Variants in STK39 observed in about 807,000 individuals in gnomAD.
The protein encoded by STK39 is STE20/SPS1-related proline-alanine-rich protein kinase.
In STK39, 20 loss-of-function variants were observed where a neutral mutation model predicts 77.8. That is an observed-to-expected ratio of 0.26 (90% CI 0.18 to 0.37). The LOEUF (loss-of-function observed/expected upper bound fraction) is 0.37, where lower values mean the gene tolerates loss of function less well. Ranked by LOEUF, STK39 falls within the 10% of genes least tolerant of loss-of-function variation. STK39 has a pLI of 1.00. For synonymous variants in STK39, 246 were observed against 234.1 expected (o/e 1.05, Z -0.47); for missense variants, 479 against 656.5 (o/e 0.73, Z 2.95).
chr2:168,223,276 GA>G (rs1690220762), intron 1 of STK39, among the ~76,000 whole-genome samples: 1 of 152,110 alleles, frequency 6.6e-6, no homozygotes, highest in South Asian at 2.1e-4. Context: ...TTGGGAGGCT[GA>G]GGTAGGCAGA....
intron 17 of STK39, among the ~76,000 whole-genome samples, chr2:167,958,472 A>T (rs1691846198): frequency 1.3e-5 from 2 of 152,248 alleles, no homozygotes; most frequent in African/African-American, 2.4e-5. Flanking sequence ...CATGGAAAAT[A>T]ACCATAGTTC....
chr2:168,243,979 C>T (rs1037737985), intron 1 of STK39, among the ~76,000 whole-genome samples: 2 of 152,090 alleles, frequency 1.3e-5, no homozygotes, highest in Admixed American at 1.3e-4. Flanking sequence ...ATAAACAGGT[C>T]GGAAAGCCTC....
chr2:168,134,620 T>C (rs1388727936), intron 8 of STK39, among the ~76,000 whole-genome samples: 3 of 152,086 alleles, frequency 2.0e-5, no homozygotes, highest in African/African-American at 7.2e-5. Flanking sequence ...GATGTTCTGG[T>C]ATGCAAATAT....
At chr2:168,113,397 G>C (rs907007839) in intron 10 of STK39, among the ~76,000 whole-genome samples, 2 of 152,126 alleles carry the variant, frequency 1.3e-5, no homozygotes, top group African/African-American at 4.8e-5. Flanking sequence ...TTCACACAGT[G>C]TAACACAGCG....
At chr2:168,140,885 G>T (rs867015141) in intron 5 of STK39, 127 bp from the exon 6 acceptor site, 5 of 716,182 alleles carry the variant, frequency 7.0e-6, no homozygotes, top group Middle Eastern at 4.0e-4. Context: ...ACATGTCTAC[G>T]GTGCTCTCTC....
At chr2:168,192,761 A>C (rs1056727321) in intron 1 of STK39, among the ~76,000 whole-genome samples, 1 of 152,264 alleles carries the variant, frequency 6.6e-6, no homozygotes, top group South Asian at 2.1e-4. Context: ...GAAGTGTTTA[A>C]GAATGTTGAC....
chr2:168,171,480 A>G (rs6715379), intron 2 of STK39, among the ~76,000 whole-genome samples: 47,095 of 130,892 alleles, frequency 0.36, 8,098 homozygotes, highest in East Asian at 0.6. Context: ...AAAAAAAGGG[A>G]AAAAAAAACT....
intron 10 of STK39, among the ~76,000 whole-genome samples, chr2:168,109,007 T>C (rs1049541954): frequency 6.6e-6 from 1 of 152,190 alleles, no homozygotes; most frequent in African/African-American, 2.4e-5. Context: ...TACTTTTCAG[T>C]TGAGGAAACT....
Position 168,152,733 on chromosome 2 carries a change from T to A in STK39, c.628+9054A>T, listed in dbSNP as rs147088826. Among the ~76,000 whole-genome samples the A allele has an allele frequency of 6.5e-3, 991 of 152,322 alleles. 12 individuals are homozygous for A. Among genetic ancestry groups the A allele is most frequent in the African/African-American group, 0.022 (910 of 41,560 alleles). ...AGGAGAGCACCAGGTAAGTATATTATACAGGTATTATTGTTTCCCAAGCCA... is the reference window on the plus strand; with the variant it reads ...AGGAGAGCACCAGGTAAGTATATTAAACAGGTATTATTGTTTCCCAAGCCA... On this transcript the variant is annotated intron_variant, in intron 5 of 17. Coordinates refer to ENST00000355999, the MANE Select transcript of STK39 (RefSeq NM_013233.3).
At chr2:168,202,432 T>TA (rs1360625078) in intron 1 of STK39, among the ~76,000 whole-genome samples, 2 of 152,312 alleles carry the variant, frequency 1.3e-5, no homozygotes, top group East Asian at 3.9e-4. Flanking sequence ...TGAAGTATTT[T>TA]AACCCCATTT....
At chr2:168,061,240 T>TAAA (rs1482124917) in intron 14 of STK39, among the ~76,000 whole-genome samples, 1 of 131,122 alleles carries the variant, frequency 7.6e-6, no homozygotes, top group Non-Finnish European at 1.6e-5. Context: ...GAGTGTGGAT[T>TAAA]ACAAAAAAAA....
At chr2:168,129,385 C>G (rs958181148) in intron 10 of STK39, among the ~76,000 whole-genome samples, 156 bp downstream of exon 10, 3 of 152,110 alleles carry the variant, frequency 2.0e-5, no homozygotes, top group Admixed American at 2.0e-4. Flanking sequence ...GCTGAGATAA[C>G]GAAAAGGCAA....
chr2:168,178,169 G>A (rs1688999262), intron 2 of STK39, among the ~76,000 whole-genome samples: 1 of 152,102 alleles, frequency 6.6e-6, no homozygotes, highest in Non-Finnish European at 1.5e-5. Flanking sequence ...CACCATGATG[G>A]GCTTGACAAA....
At chr2:168,234,352 ATTTC>A (rs1466856888) in intron 1 of STK39, among the ~76,000 whole-genome samples, 4 of 152,178 alleles carry the variant, frequency 2.6e-5, no homozygotes, top group African/African-American at 9.6e-5. Flanking sequence ...ACTGTACCCT[ATTTC>A]TTTAACTTTA....
At chr2:167,995,398 G>A (rs1009201156) in intron 16 of STK39, among the ~76,000 whole-genome samples, 8 of 152,100 alleles carry the variant, frequency 5.3e-5, no homozygotes, top group African/African-American at 1.9e-4. Context: ...GTGAGCCCCC[G>A]CGCCCAGCCA....
rs557419525 is a variant in STK39, at chr2:168,019,688, T to A, written c.1377-2593A>T. On this transcript the variant is annotated intron_variant, in intron 14 of 17. Coordinates refer to ENST00000355999, the MANE Select transcript of STK39 (RefSeq NM_013233.3). ...TGCACTGTTTAAATAGCTTAAACTTTCTTTATATTTATTTATTTATTTTTT... is the reference window on the plus strand; with the variant it reads ...TGCACTGTTTAAATAGCTTAAACTTACTTTATATTTATTTATTTATTTTTT... Among the ~76,000 whole-genome samples the A allele has an allele frequency of 3.4e-4, 52 of 152,272 alleles. No individual in the cohort carries two copies. The Middle Eastern group carries it at 0.014, about 40-fold the overall frequency.
At chr2:168,080,757 C>T (rs1315774218) in intron 10 of STK39, among the ~76,000 whole-genome samples, 1 of 152,214 alleles carries the variant, frequency 6.6e-6, no homozygotes, top group Non-Finnish European at 1.5e-5. Context: ...GTTTCTTGGG[C>T]TGGGCCCAGG....
chr2:167,969,874 T>G (rs1425996452), intron 16 of STK39, among the ~76,000 whole-genome samples: 2 of 151,930 alleles, frequency 1.3e-5, no homozygotes, highest in East Asian at 1.9e-4. Context: ...CATCTCAGAG[T>G]AAAGCCATGG....
rs184975291 is a variant in STK39, at chr2:168,099,247, G to A, written c.1090-24016C>T. On this transcript the variant is annotated intron_variant, in intron 10 of 17. Transcript: ENST00000355999. ...CTGAGCTAAGCCAATAAGTGATGGGGTGATTCATTATGCAGCAATAGATAA... is the reference window on the plus strand; with the variant it reads ...CTGAGCTAAGCCAATAAGTGATGGGATGATTCATTATGCAGCAATAGATAA... 1.2e-4 allele frequency among the ~76,000 whole-genome samples: 19 copies of A among 152,310 alleles called. No individual in the cohort carries two copies. The East Asian group carries it at 2.5e-3, about 20-fold the overall frequency.
Sources: allele counts gnomAD v4.1 joint callset (sites outside exome capture counted in the v4.1 genomes callset), GRCh38; gene constraint gnomAD v4.1.1; transcripts MANE v1.5; gene names NCBI Gene and HGNC (gene_info 2026-07-23, HGNC 2026-07-21).